DAP3: variants seen among roughly 807,000 people sequenced by gnomAD.
The protein encoded by DAP3 is death associated protein 3, also known as small ribosomal subunit protein mS29.
In DAP3, 28 loss-of-function variants were observed where a neutral mutation model predicts 51.9. That is an observed-to-expected ratio of 0.54 (90% CI 0.40 to 0.74). The LOEUF (loss-of-function observed/expected upper bound fraction) is 0.74. DAP3 is among the 30% of genes least tolerant of loss of function. The pLI is 0.00. For missense variants in DAP3, 458 were observed against 483.5 expected, an observed-to-expected ratio of 0.95 and a Z score of 0.49; for synonymous variants, 170 against 170.3, an observed-to-expected ratio of 1.00 and a Z score of 0.01.
chr1:155,709,971 A>G, intron 2 of DAP3, 147 bp downstream of exon 2: 1 of 637,750 alleles, frequency 1.6e-6, no homozygotes, highest in East Asian at 2.6e-5. Flanking sequence ...GTGCTTGAGA[A>G]TTTACCATGG....
Position 155,725,968 on chromosome 1 carries a change from G to C in DAP3, c.421G>C (p.Val141Leu), listed in dbSNP as rs778205623. 6.2e-7 allele frequency: 1 copy of C among 1,614,126 alleles called. No homozygotes were observed. The highest frequency in any genetic ancestry group is 1.7e-5 in the Admixed American group (1 of 59,988). ...AGGAAAAACCCTAAGTCTTTGCCAT[G>C]TTATTCATTTCTGTGCAAAACAGGA... ...GTGKTLSLCH[V>L]IHFCAKQDWL... The change falls in exon 6 of 13, where the codon GTT becomes CTT. Residue 141 changes from valine (V) to leucine (L), a missense_variant. Physicochemically the swap from Val to Leu is conservative, Grantham distance 32. Coordinates refer to ENST00000368336, the MANE Select transcript of DAP3 (RefSeq NM_004632.4).
At chr1:155,688,707 C>T, upstream of DAP3, 1 of 1,522,138 alleles carries the variant, frequency 6.6e-7, no homozygotes, top group Non-Finnish European at 8.8e-7. Context: ...TCTCTCCTCC[C>T]CCTCCCTCCC....
chr1:155,701,140 T>G (rs376463629), intron 1 of DAP3, among the ~76,000 whole-genome samples: 10 of 109,640 alleles, frequency 9.1e-5, no homozygotes, highest in East Asian at 5.4e-4. Context: ...GGGAAGTGAG[T>G]AGCCCCTCTG....
At chr1:155,711,419 A>G (rs1656682616) in intron 2 of DAP3, among the ~76,000 whole-genome samples, 1 of 152,038 alleles carries the variant, frequency 6.6e-6, no homozygotes, top group Non-Finnish European at 1.5e-5. Flanking sequence ...CTTGAACCCA[A>G]GAGGTAGAGG....
At chr1:155,700,151 G>A (rs1045130399) in intron 1 of DAP3, among the ~76,000 whole-genome samples, 3 of 152,060 alleles carry the variant, frequency 2.0e-5, no homozygotes, top group Admixed American at 2.0e-4. Flanking sequence ...TGGCCAGGAT[G>A]GTCTCAATCT....
chr1:155,689,701 G>C, intron 1 of DAP3: 1 of 318,502 alleles, frequency 3.1e-6, no homozygotes, highest in East Asian at 9.5e-5. Context: ...ATGACAAGGT[G>C]AAGAGATCGA....
chr1:155,725,653 A>G (rs113946783), intron 5 of DAP3, among the ~76,000 whole-genome samples, 163 bp downstream of exon 5: 9,747 of 152,250 alleles, frequency 0.064, 1,075 homozygotes, highest in African/African-American at 0.22. Context: ...GCCTGAAGTC[A>G]GGAGTTCAAG....
At chr1:155,699,239 A>C (rs1654889765) in intron 1 of DAP3, among the ~76,000 whole-genome samples, 1 of 152,220 alleles carries the variant, frequency 6.6e-6, no homozygotes, top group South Asian at 2.1e-4. Flanking sequence ...AGGCGGTTTA[A>C]GTGAATCTCC....
chr1:155,716,417 C>CA (rs1184207674), intron 2 of DAP3, among the ~76,000 whole-genome samples: 1 of 151,260 alleles, frequency 6.6e-6, no homozygotes, highest in Non-Finnish European at 1.5e-5. Flanking sequence ...ACTAAAAATA[C>CA]AAAAAATTAG....
intron 6 of DAP3, 125 bp downstream of exon 6, chr1:155,726,144 G>A (rs1157129624): frequency 2.0e-5 from 16 of 789,278 alleles, no homozygotes; most frequent in South Asian, 1.5e-4. Flanking sequence ...ATGGAGTTTC[G>A]CTCTTGTCGG....
intron 11 of DAP3, among the ~76,000 whole-genome samples, chr1:155,734,270 C>T (rs189281196): frequency 1.4e-3 from 209 of 152,224 alleles, no homozygotes; most frequent in African/African-American, 4.3e-3. Flanking sequence ...TGCAGTAGCA[C>T]CATCATAGCT....
intron 2 of DAP3, among the ~76,000 whole-genome samples, chr1:155,716,278 G>A (rs1231615665): frequency 6.6e-6 from 1 of 152,156 alleles, no homozygotes; most frequent in Non-Finnish European, 1.5e-5. Context: ...GAAGAAAAAT[G>A]TTGCCGGGCG....
At chr1:155,721,742 T>C (rs113560722) in intron 4 of DAP3, 124 bp downstream of exon 4, 1 of 879,772 alleles carries the variant, frequency 1.1e-6, no homozygotes, top group South Asian at 1.6e-5. Context: ...CAGAAATTCA[T>C]GTGTTGATTA....
intron 11 of DAP3, among the ~76,000 whole-genome samples, chr1:155,735,647 C>T (rs1659699768): frequency 6.6e-6 from 1 of 151,020 alleles, no homozygotes; most frequent in African/African-American, 2.4e-5. Context: ...TTCCATCTAG[C>T]GTATTTTTTC....
chr1:155,688,701 T>G (rs1653124077), upstream of DAP3: 3 of 1,521,526 alleles, frequency 2.0e-6, no homozygotes, highest in African/African-American at 2.8e-5. Flanking sequence ...TCCTCTTCTC[T>G]CCTCCCCCTC....
intron 6 of DAP3, chr1:155,726,327 C>A (rs531588491): frequency 1.2e-5 from 2 of 164,086 alleles, no homozygotes; most frequent in African/African-American, 5.3e-5. Flanking sequence ...CTTGCTCTGT[C>A]GCCCAGGCTG....
chr1:155,695,544 G>A (rs183743302), intron 1 of DAP3, among the ~76,000 whole-genome samples: 2 of 152,344 alleles, frequency 1.3e-5, no homozygotes, highest in East Asian at 3.9e-4. Flanking sequence ...GGTCCTGGAA[G>A]ATTGGTATGT....
intron 1 of DAP3, among the ~76,000 whole-genome samples, chr1:155,705,737 G>T (rs1488549123): frequency 6.6e-6 from 1 of 151,336 alleles, no homozygotes; most frequent in Non-Finnish European, 1.5e-5. Flanking sequence ...GTCTTGCTCT[G>T]TCACCCAGGC....
chr1:155,716,125 T>C (rs1290686719), intron 2 of DAP3, among the ~76,000 whole-genome samples: 1 of 152,258 alleles, frequency 6.6e-6, no homozygotes, highest in Non-Finnish European at 1.5e-5. Context: ...TGTATGCTCC[T>C]GAATAATCTC....
Sources: gnomAD v4.1 joint callset for allele counts (sites outside exome capture counted in the v4.1 genomes callset) on GRCh38, gnomAD v4.1.1 for gene constraint, MANE v1.5 for transcripts, NCBI Gene and HGNC (gene_info 2026-07-23, HGNC 2026-07-21) for gene names.